Variants in GABRB1 observed in about 807,000 individuals in gnomAD.
GABRB1 encodes the protein gamma-aminobutyric acid receptor subunit beta-1.
In GABRB1, 17 loss-of-function variants were observed where a neutral mutation model predicts 51.6. The ratio of observed to expected loss-of-function variants is 0.33; its 90% CI spans 0.23 to 0.49. The LOEUF (loss-of-function observed/expected upper bound fraction) is 0.49. Among genes scored for constraint, GABRB1 ranks in the 20% least tolerant of loss-of-function variants. The pLI, the probability that GABRB1 is intolerant of heterozygous loss-of-function variation, is 0.99. For synonymous variants in GABRB1, 247 were observed against 218.9 expected (o/e 1.13, Z -1.14); for missense variants, 410 against 600.6 (o/e 0.68, Z 3.32).
At chr4:47,032,128 GCACACACA>G (rs72109821) in intron 2 of GABRB1, 123 bp downstream of exon 2, 30 of 583,622 alleles carry the variant, frequency 5.1e-5, no homozygotes, top group Middle Eastern at 8.6e-4. Context: ...TATACCCTGG[GCACACACA>G]CACACACACA....
intron 4 of GABRB1, among the ~76,000 whole-genome samples, chr4:47,223,084 C>T (rs1024625244): frequency 1.3e-5 from 2 of 152,072 alleles, no homozygotes; most frequent in African/African-American, 4.8e-5. Context: ...ATACCACCTA[C>T]CGGGAACATT....
chr4:47,260,335 T>A (rs1173013139), intron 4 of GABRB1, among the ~76,000 whole-genome samples: 1 of 152,172 alleles, frequency 6.6e-6, no homozygotes, highest in East Asian at 1.9e-4. Context: ...CATTTAAAGT[T>A]AATATTGTTG....
intron 3 of GABRB1, among the ~76,000 whole-genome samples, chr4:47,146,896 T>A (rs1156723927): frequency 6.6e-6 from 1 of 152,086 alleles, no homozygotes; most frequent in Non-Finnish European, 1.5e-5. Flanking sequence ...TGATAACTTT[T>A]AATGTCATAA....
At chr4:47,425,496 A>AGATAGAT (rs1398601198) in intron 8 of GABRB1, among the ~76,000 whole-genome samples, 178 bp from the exon 9 acceptor site, 2 of 149,064 alleles carry the variant, frequency 1.3e-5, no homozygotes. Flanking sequence ...ATAGATAGAT[A>AGATAGAT]GATAGATAGA....
At chr4:47,222,468 G>A (rs1720802400) in intron 4 of GABRB1, among the ~76,000 whole-genome samples, 1 of 152,036 alleles carries the variant, frequency 6.6e-6, no homozygotes, top group Admixed American at 6.6e-5. Flanking sequence ...AGCAATCAGG[G>A]GTTTGAAATG....
intron 5 of GABRB1, among the ~76,000 whole-genome samples, chr4:47,349,732 T>G (rs1362045667): frequency 1.3e-5 from 2 of 152,216 alleles, no homozygotes; most frequent in African/African-American, 4.8e-5. Flanking sequence ...AAAATACACA[T>G]GTACGCCCAT....
chr4:47,322,405 CTG>C (rs751446805), intron 5 of GABRB1, among the ~76,000 whole-genome samples: 11 of 152,192 alleles, frequency 7.2e-5, no homozygotes, highest in Non-Finnish European at 1.3e-4. Flanking sequence ...AAACTCTTGA[CTG>C]TAAGAATTTG....
chr4:47,409,844 C>T (rs1366308280), intron 8 of GABRB1, among the ~76,000 whole-genome samples: 1 of 152,196 alleles, frequency 6.6e-6, no homozygotes, highest in Non-Finnish European at 1.5e-5. Flanking sequence ...TGATTCCACA[C>T]TAGGATATCA....
At chr4:47,375,837 A>C (rs937673421) in intron 5 of GABRB1, among the ~76,000 whole-genome samples, 1 of 152,230 alleles carries the variant, frequency 6.6e-6, no homozygotes, top group Admixed American at 6.5e-5. Flanking sequence ...CAGTATGTGC[A>C]GAAGAAAGAA....
rs73133932 is a variant in GABRB1 at position 47,280,871 on chromosome 4, C to T, written c.462-39256C>T. 6.8e-3 allele frequency among the ~76,000 whole-genome samples: 946 copies of T among 139,446 alleles called. 9 individuals carry two copies. Among genetic ancestry groups the T allele is most frequent in the African/African-American group, 0.024 (903 of 36,916 alleles). The allele number at this position is 139,446 out of a possible 152,430, so 91.5% of individuals were successfully genotyped here. A position where few individuals can be genotyped will look rare whatever the true frequency, so the allele number is the denominator to read the frequency against. ...AGTCTTGCTAAATTGCCAGGCTGGT[C>T]TCACACTTCTGGGATCAAGAAATTC... is the stretch of plus-strand genomic sequence containing the variant. On this transcript the variant is annotated intron_variant, in intron 4 of 8. Transcript: ENST00000295454.
At chr4:47,208,184 A>C (rs1044488188) in intron 4 of GABRB1, among the ~76,000 whole-genome samples, 1 of 152,056 alleles carries the variant, frequency 6.6e-6, no homozygotes, top group Non-Finnish European at 1.5e-5. Context: ...TATATATGCA[A>C]CAGCATGGAT....
Position 47,232,378 on chromosome 4 carries a change from C to A in GABRB1, c.461+70909C>A, listed in dbSNP as rs1020211886. On this transcript the variant is annotated intron_variant, in intron 4 of 8. Transcript: ENST00000295454. ...TTTTTGGCTTTTGAGGTAGAACATT[C>A]CTATTTCTTCTTTTAATTTTATTTG... Among the ~76,000 whole-genome samples the A allele has an allele frequency of 3.9e-5, 6 of 152,012 alleles. 1 individual carries two copies. In the South Asian group the frequency reaches 6.2e-4, roughly 16 times the overall value.
chr4:47,369,694 T>C (rs550952035), intron 5 of GABRB1, among the ~76,000 whole-genome samples: 37 of 152,294 alleles, frequency 2.4e-4, no homozygotes, highest in African/African-American at 8.7e-4. Flanking sequence ...AGGAAGCCAA[T>C]TTCCAAATTT....
chr4:47,274,271 A>G (rs1413729674), intron 4 of GABRB1, among the ~76,000 whole-genome samples: 9 of 152,290 alleles, frequency 5.9e-5, no homozygotes, highest in East Asian at 1.9e-4. Flanking sequence ...AATAATGTAC[A>G]TAAAATGTTT....
chr4:47,295,114 C>T (rs1241361980), intron 4 of GABRB1, among the ~76,000 whole-genome samples: 4 of 152,138 alleles, frequency 2.6e-5, no homozygotes, highest in Non-Finnish European at 4.4e-5. Flanking sequence ...CTGTACATCA[C>T]CATCGTCAAA....
At chr4:47,032,384 A>C in intron 2 of GABRB1, 33 bp from the exon 3 acceptor site, 1 of 1,553,032 alleles carries the variant, frequency 6.4e-7, no homozygotes, top group Non-Finnish European at 8.7e-7. Context: ...CACTGAGAGA[A>C]TCTGTTCCTA....
At chr4:47,229,226 A>G (rs566415288) in intron 4 of GABRB1, among the ~76,000 whole-genome samples, 1 of 152,272 alleles carries the variant, frequency 6.6e-6, no homozygotes, top group South Asian at 2.1e-4. Flanking sequence ...TGTTCAATAC[A>G]TGTTTGCTGA....
At chr4:47,155,441 C>T (rs1717646831) in intron 3 of GABRB1, among the ~76,000 whole-genome samples, 1 of 152,102 alleles carries the variant, frequency 6.6e-6, no homozygotes, top group African/African-American at 2.4e-5. Flanking sequence ...TACAAAAATA[C>T]ATGTAATGCC....
At chr4:47,092,388 G>C (rs531164861) in intron 3 of GABRB1, among the ~76,000 whole-genome samples, 2 of 150,884 alleles carry the variant, frequency 1.3e-5, no homozygotes, top group African/African-American at 2.4e-5. Context: ...GGCCAGGCTC[G>C]TCTCGAACCC....
Sources: gnomAD v4.1 joint callset for allele counts (sites outside exome capture counted in the v4.1 genomes callset) on GRCh38, gnomAD v4.1.1 for gene constraint, MANE v1.5 for transcripts, NCBI Gene and HGNC (gene_info 2026-07-23, HGNC 2026-07-21) for gene names.